Variants in VPS26A observed in about 807,000 individuals in gnomAD.
The protein encoded by VPS26A is vacuolar protein sorting-associated protein 26A.
A neutral mutation model predicts 42.4 loss-of-function variants in VPS26A; 22 were observed. The ratio of observed to expected loss-of-function variants is 0.52; its 90% CI spans 0.37 to 0.74. The LOEUF (loss-of-function observed/expected upper bound fraction) is 0.74. Ranked by LOEUF, VPS26A falls within the 30% of genes least tolerant of loss-of-function variation. The probability of loss-of-function intolerance (pLI) is 0.00; values close to 1 mark genes in which losing one functional copy is unlikely to be tolerated. For synonymous variants in VPS26A, 110 were observed against 123.5 expected, an observed-to-expected ratio of 0.89 and a Z score of 0.73; for missense variants, 276 against 379.2, an observed-to-expected ratio of 0.73 and a Z score of 2.26.
intron 2 of VPS26A, among the ~76,000 whole-genome samples, chr10:69,154,915 AT>A (rs542157474): frequency 1.7e-4 from 26 of 151,880 alleles, no homozygotes; most frequent in Non-Finnish European, 2.1e-4. Context: ...ACATATATAT[AT>A]TTTTTTTTTA....
intron 2 of VPS26A, 26 bp downstream of exon 2, chr10:69,133,073 T>A (rs1840823245): frequency 1.3e-6 from 2 of 1,599,680 alleles, no homozygotes; most frequent in Non-Finnish European, 1.7e-6. Context: ...GACAAAACTA[T>A]CTAATTGTAA....
rs1014339315 is a variant in VPS26A at position 69,153,949 on chromosome 10, A to G, written c.154-1863A>G. 3.9e-5 allele frequency among the ~76,000 whole-genome samples: 6 copies of G among 152,210 alleles called. No homozygotes were observed. In the East Asian group the frequency reaches 1.2e-3, roughly 29 times the overall value. ...AAGTGAATAAATGAATATACAAAAT[A>G]CAATCAGAATCTTAGAGAAGGGGAA... is the stretch of plus-strand genomic sequence containing the variant. On this transcript the variant is annotated intron_variant, in intron 2 of 8. Coordinates refer to ENST00000263559, the MANE Select transcript of VPS26A (RefSeq NM_004896.5).
intron 8 of VPS26A, 104 bp from the exon 9 acceptor site, chr10:69,171,051 AG>A: frequency 1.1e-6 from 1 of 929,348 alleles, no homozygotes; most frequent in Non-Finnish European, 1.6e-6. Context: ...GGGCTTTTGT[AG>A]GGAAGAATTT....
At chr10:69,164,330 A>G (rs1204762774) in intron 6 of VPS26A, among the ~76,000 whole-genome samples, 8 of 151,702 alleles carry the variant, frequency 5.3e-5, no homozygotes, top group African/African-American at 2.4e-5. Flanking sequence ...CAATCCTCCA[A>G]CCTCAGCGTT....
Position 69,171,335 on chromosome 10 carries a change from T to A in VPS26A, c.*66T>A. 1 of 1,472,256 alleles carries A rather than the reference T, an allele frequency of 6.8e-7. No individual in the cohort carries two copies. The highest frequency in any genetic ancestry group is 9.3e-7 in the Non-Finnish European group (1 of 1,075,108). 91.2% of individuals were successfully genotyped at this position (1,472,256 alleles called of 1,614,324 possible). On this transcript the variant is annotated 3_prime_UTR_variant, in exon 9 of 9. Coordinates refer to ENST00000263559, the MANE Select transcript of VPS26A (RefSeq NM_004896.5). ...ACCCTTGAGATTAAGTTCAGCAGGT[T>A]AAAGATGGTTGCAGCTGGAGGGGGC...
At chr10:69,168,732 T>C in intron 8 of VPS26A, 101 bp downstream of exon 8, 1 of 1,410,938 alleles carries the variant, frequency 7.1e-7, no homozygotes, top group Non-Finnish European at 9.5e-7. Flanking sequence ...TGGGAGTTTC[T>C]AAATAAATAA....
intron 1 of VPS26A, among the ~76,000 whole-genome samples, chr10:69,132,300 T>A (rs181477978): frequency 6.2e-4 from 95 of 152,042 alleles, no homozygotes; most frequent in African/African-American, 2.2e-3. Flanking sequence ...TGGTTTTGTA[T>A]GGAAATGATT....
intron 2 of VPS26A, 41 bp from the exon 3 acceptor site, chr10:69,155,771 A>G (rs754189052): frequency 1.3e-6 from 2 of 1,519,974 alleles, no homozygotes; most frequent in East Asian, 2.3e-5. Context: ...AGGCCCACTC[A>G]TAGGATTGTT....
intron 2 of VPS26A, among the ~76,000 whole-genome samples, chr10:69,144,797 A>G (rs965004711): frequency 6.6e-6 from 1 of 151,930 alleles, no homozygotes; most frequent in Non-Finnish European, 1.5e-5. Context: ...ATATCTAGAT[A>G]TGGAGTCCTT....
intron 2 of VPS26A, among the ~76,000 whole-genome samples, chr10:69,138,911 A>C (rs1840980468): frequency 6.6e-6 from 1 of 152,224 alleles, no homozygotes; most frequent in Non-Finnish European, 1.5e-5. Flanking sequence ...CACTATCAAT[A>C]TGATTATGAA....
chr10:69,132,254 C>A (rs1377822620), intron 1 of VPS26A, among the ~76,000 whole-genome samples: 1 of 151,852 alleles, frequency 6.6e-6, no homozygotes, highest in East Asian at 1.9e-4. Context: ...GAATTAACTT[C>A]TTAGATTTCT....
chr10:69,142,427 C>T (rs1383057953), intron 2 of VPS26A, among the ~76,000 whole-genome samples: 3 of 151,486 alleles, frequency 2.0e-5, no homozygotes, highest in Non-Finnish European at 4.4e-5. Context: ...CTCCTGGACT[C>T]AAGTGATTCC....
At chr10:69,161,767 G>A (rs1841567702) in intron 5 of VPS26A, 2 of 339,248 alleles carry the variant, frequency 5.9e-6, no homozygotes, top group Admixed American at 2.9e-5. Flanking sequence ...ACAAAGATGA[G>A]CTTGGTGCCT....
At chr10:69,132,671 G>GTC (rs1840810962) in intron 1 of VPS26A, among the ~76,000 whole-genome samples, 1 of 152,074 alleles carries the variant, frequency 6.6e-6, no homozygotes, top group African/African-American at 2.4e-5. Context: ...TTGAACTCCT[G>GTC]ACCTCAGGTG....
chr10:69,167,444 GA>G (rs148169430), intron 7 of VPS26A, among the ~76,000 whole-genome samples: 1 of 77,426 alleles, frequency 1.3e-5, no homozygotes, highest in African/African-American at 3.4e-5. Context: ...AAAAGAAAAA[GA>G]AAAAAAAAAG....
chr10:69,149,727 GTTTTT>G (rs151136046), intron 2 of VPS26A, among the ~76,000 whole-genome samples: 8 of 93,964 alleles, frequency 8.5e-5, no homozygotes, highest in Non-Finnish European at 1.6e-4. Flanking sequence ...CTTTCTTGGT[GTTTTT>G]TGTTTTTTTT....
chr10:69,168,055 T>G (rs1381404988), intron 7 of VPS26A, among the ~76,000 whole-genome samples: 1 of 152,214 alleles, frequency 6.6e-6, no homozygotes, highest in African/African-American at 2.4e-5. Context: ...ATTCCCCATT[T>G]CACAGATGAA....
intron 2 of VPS26A, among the ~76,000 whole-genome samples, chr10:69,134,350 A>G (rs1326509057): frequency 6.6e-6 from 1 of 152,190 alleles, no homozygotes; most frequent in Non-Finnish European, 1.5e-5. Context: ...CTTTGGTAAT[A>G]TGGACATCGG....
intron 6 of VPS26A, among the ~76,000 whole-genome samples, chr10:69,163,796 C>T (rs1355181628): frequency 2.5e-4 from 35 of 141,702 alleles, no homozygotes; most frequent in Non-Finnish European, 4.7e-4. Flanking sequence ...GACGGAGTCT[C>T]GCTCTGTGGC....
Sources: allele counts gnomAD v4.1 joint callset (sites outside exome capture counted in the v4.1 genomes callset), GRCh38; gene constraint gnomAD v4.1.1; transcripts MANE v1.5; gene names NCBI Gene and HGNC (gene_info 2026-07-23, HGNC 2026-07-21).